Variants in GFPT2 observed in about 807,000 individuals in gnomAD.
GFPT2 encodes the protein glutamine--fructose-6-phosphate transaminase 2, also known as glutamine--fructose-6-phosphate aminotransferase [isomerizing] 2.
GFPT2 carries 62 observed loss-of-function variants against 85.6 expected under a neutral mutation model. The observed-to-expected ratio is 0.72, with a 90% CI of 0.59 to 0.90. The LOEUF is 0.90. Among genes scored for constraint, GFPT2 ranks in the 40% least tolerant of loss-of-function variants. GFPT2 has a pLI of 0.00. For synonymous variants in GFPT2, 368 were observed against 344.5 expected (o/e 1.07, Z -0.75); for missense variants, 788 against 893.4 (o/e 0.88, Z 1.50).
At chr5:180,346,599 C>A (rs562061564) in intron 1 of GFPT2, among the ~76,000 whole-genome samples, 89 of 152,350 alleles carry the variant, frequency 5.8e-4, no homozygotes, top group Middle Eastern at 3.4e-3. Context: ...CGCCTTGCTC[C>A]CCATGCCACC....
intron 7 of GFPT2, among the ~76,000 whole-genome samples, chr5:180,325,554 A>C (rs568035720): frequency 7.2e-5 from 11 of 152,152 alleles, no homozygotes; most frequent in Non-Finnish European, 1.6e-4. Context: ...CACAGGCAAA[A>C]TCTCAGGGAG....
At chr5:180,349,110 G>A (rs1764662863) in intron 1 of GFPT2, among the ~76,000 whole-genome samples, 1 of 151,532 alleles carries the variant, frequency 6.6e-6, no homozygotes, top group Admixed American at 6.6e-5. Flanking sequence ...AACAAAGAGG[G>A]AAGTGATATA....
chr5:180,336,925 G>C (rs1212528695), intron 2 of GFPT2, among the ~76,000 whole-genome samples: 1 of 152,268 alleles, frequency 6.6e-6, no homozygotes, highest in African/African-American at 2.4e-5. Context: ...TCCTCGCATT[G>C]TGATATTTCG....
Position 180,323,078 on chromosome 5 carries a change from T to C in GFPT2, c.794+1110A>G, listed in dbSNP as rs1352940166. On this transcript the variant is annotated intron_variant, in intron 9 of 18. Coordinates refer to ENST00000253778, the MANE Select transcript of GFPT2 (RefSeq NM_005110.4). This position sits in a 1 kb window ranked among gnomAD's most constrained non-coding sequence, Gnocchi z 4.0. Reference sequence around the variant, plus strand: ...AAAAGAAACATCTATCATATTTCATTGAATATAAGTTACTATTGATCGTTA... The same window carrying C: ...AAAAGAAACATCTATCATATTTCATCGAATATAAGTTACTATTGATCGTTA... Among the ~76,000 whole-genome samples the C allele has an allele frequency of 6.6e-6, 1 of 152,120 alleles. No individual in the cohort carries two copies. Among genetic ancestry groups the C allele is most frequent in the Admixed American group, 6.6e-5 (1 of 15,256 alleles).
chr5:180,302,204 T>G (rs1452443213), intron 18 of GFPT2, among the ~76,000 whole-genome samples: 4 of 151,268 alleles, frequency 2.6e-5, no homozygotes, highest in Admixed American at 2.0e-4. Context: ...GGAGAATCGC[T>G]TGAACCCAGG....
At chr5:180,341,140 G>A (rs938251540) in intron 1 of GFPT2, among the ~76,000 whole-genome samples, 1 of 152,134 alleles carries the variant, frequency 6.6e-6, no homozygotes, top group Non-Finnish European at 1.5e-5. Context: ...GTGGAACCAA[G>A]AATCCCCGAC....
intron 2 of GFPT2, among the ~76,000 whole-genome samples, chr5:180,338,280 G>A (rs939137582): frequency 3.3e-5 from 5 of 152,096 alleles, no homozygotes; most frequent in African/African-American, 1.2e-4. Flanking sequence ...TTCTGATGAA[G>A]GGGGTTTTCT....
In GFPT2 at chr5:180,335,946, G is replaced by C; in HGVS notation, c.222C>G (p.Asp74Glu). The stretch of plus-strand genomic sequence containing the variant: ...CAAACTCCACTTTTAAGTCCATGCT[G>C]TCTTGTTCTAAATGAAAGGAAAATC... Reference protein sequence around the residue: ...KALDEELYKQDSMDLKVEFET... With the variant: ...KALDEELYKQESMDLKVEFET... Residue 74 changes from aspartate (D) to glutamate (E), a missense_variant, in exon 4 of 19, where the codon GAC becomes GAG. Coordinates refer to ENST00000253778, the MANE Select transcript of GFPT2 (RefSeq NM_005110.4). 1 of 1,567,906 alleles carries C rather than the reference G, an allele frequency of 6.4e-7. No individual in the cohort carries two copies.
chr5:180,348,714 G>A (rs1197042018), intron 1 of GFPT2, among the ~76,000 whole-genome samples: 1 of 151,744 alleles, frequency 6.6e-6, no homozygotes, highest in Admixed American at 6.6e-5. Context: ...GTGGTAACCT[G>A]GACAGGACAT....
intron 12 of GFPT2, 38 bp from the exon 13 acceptor site, chr5:180,316,499 C>A (rs1299037951): frequency 6.2e-7 from 1 of 1,612,852 alleles, no homozygotes; most frequent in Admixed American, 1.7e-5. Context: ...TAAAGTCAGT[C>A]ACAGGCACGA....
chr5:180,322,512 C>T (rs1425042405), intron 9 of GFPT2, among the ~76,000 whole-genome samples: 5 of 152,066 alleles, frequency 3.3e-5, no homozygotes, highest in African/African-American at 7.2e-5. Context: ...CTGACTGCAT[C>T]GTGCCTGGTC....
chr5:180,301,575 T>C lies in GFPT2; in HGVS notation c.2038A>G (p.Thr680Ala). ...TCACGGTCTCAGCCTCATTCCACAG[T>C]TACAGACTTGGCCAGATTTCTGGGG... ...DFPRNLAKSV[T>A]VE Residue 680 changes from threonine (T) to alanine (A), a missense_variant, in exon 19 of 19, where the codon ACT becomes GCT. Thr to Ala is a moderately conservative substitution (Grantham distance 58, BLOSUM62 0). Coordinates refer to ENST00000253778, the MANE Select transcript of GFPT2 (RefSeq NM_005110.4). The C allele has an allele frequency of 6.2e-7, 1 of 1,613,488 alleles. No individual in the cohort carries two copies. The highest frequency in any genetic ancestry group is 8.5e-7 in the Non-Finnish European group (1 of 1,179,360).
rs1442082415 is a variant in GFPT2 at position 180,303,087 on chromosome 5, G to A, written c.1843-503C>T. Among the ~76,000 whole-genome samples, 16 of 144,112 alleles carry A rather than the reference G, an allele frequency of 1.1e-4. 2 individuals are homozygous for A. The highest frequency in any genetic ancestry group is 4.1e-4 in the East Asian group (2 of 4,924). The allele number at this position is 144,112 out of a possible 152,430, so 94.5% of individuals were successfully genotyped here. A position where few individuals can be genotyped will look rare whatever the true frequency, so the allele number is the denominator to read the frequency against. ...TACTAAAAAATACAAAAAATTAGCC[G>A]GGTGTGGTGGCGGGGGCCTGTAGTC... On this transcript the variant is annotated intron_variant, in intron 17 of 18. Transcript: ENST00000253778.
At chr5:180,337,288 A>G (rs2127655688) in intron 2 of GFPT2, among the ~76,000 whole-genome samples, 1 of 152,284 alleles carries the variant, frequency 6.6e-6, no homozygotes, top group East Asian at 1.9e-4. Context: ...CCCCGTCTCT[A>G]CTAAAAGTAC....
In GFPT2 at chr5:180,301,527, G is replaced by C; in HGVS notation, c.*37C>G. On this transcript the variant is annotated 3_prime_UTR_variant, in exon 19 of 19. Coordinates refer to ENST00000253778, the MANE Select transcript of GFPT2 (RefSeq NM_005110.4). ...TGCTGTTGGGACAGGTCTGGAATCAGATGAAAGGTGGTGATGGTCTTGTCA... is the reference window on the plus strand; with the variant it reads ...TGCTGTTGGGACAGGTCTGGAATCACATGAAAGGTGGTGATGGTCTTGTCA... The C allele has an allele frequency of 6.4e-7, 1 of 1,558,630 alleles. No individual in the cohort carries two copies. Among genetic ancestry groups the C allele is most frequent in the Non-Finnish European group, 8.9e-7 (1 of 1,129,224 alleles).
intron 14 of GFPT2, among the ~76,000 whole-genome samples, chr5:180,312,968 G>A (rs1420648917): frequency 2.0e-5 from 3 of 151,940 alleles, no homozygotes; most frequent in Admixed American, 6.6e-5. Flanking sequence ...GTAGAGACGG[G>A]GTTTCACCGT....
At position 180,336,506 on chromosome 5, in the gene GFPT2, CT is replaced by C; in HGVS notation, c.186del (p.Val63SerfsTer16). The stretch of plus-strand genomic sequence containing the variant: ...TAAAGTTCTTCATCGAGAGCCTTGA[CT>C]TTCCCCCTTTTCTTGACCAGCTGAA... ...RHIQLVKKRGKVKALDEELYK... is the reference protein window; with the variant it reads ...RHIQLVKKRGXVKALDEELYK... On this transcript the variant is annotated frameshift_variant, in exon 3 of 19. Transcript: ENST00000253778. LOFTEE classifies it high-confidence loss of function. 6.2e-7 allele frequency: 1 copy of C among 1,608,474 alleles called. No homozygotes were observed. Among genetic ancestry groups the C allele is most frequent in the Non-Finnish European group, 8.5e-7 (1 of 1,174,814 alleles).
rs1032472274 is a variant in GFPT2 at position 180,318,320 on chromosome 5, T to C, written c.958+473A>G. 2.0e-5 allele frequency among the ~76,000 whole-genome samples: 3 copies of C among 152,074 alleles called. No homozygotes were observed. The highest frequency in any genetic ancestry group is 7.2e-5 in the African/African-American group (3 of 41,408). On this transcript the variant is annotated intron_variant, in intron 10 of 18. Transcript: ENST00000253778. The surrounding 1 kb of genome is among the most constrained non-coding windows in gnomAD (Gnocchi z 4.2). ...TGGAGGGCCTTGAGCAGCGGGATGATCACAGGGGCTGATTCATGTTCTTAG... is the reference window on the plus strand; with the variant it reads ...TGGAGGGCCTTGAGCAGCGGGATGACCACAGGGGCTGATTCATGTTCTTAG...
intron 7 of GFPT2, among the ~76,000 whole-genome samples, chr5:180,327,202 G>C (rs1764224145): frequency 6.6e-6 from 1 of 152,170 alleles, no homozygotes; most frequent in Non-Finnish European, 1.5e-5. Flanking sequence ...GCAGCCCACA[G>C]GGCACTGAGG....
Sources: gnomAD v4.1 joint callset for allele counts (sites outside exome capture counted in the v4.1 genomes callset) on GRCh38, gnomAD v4.1.1 for gene constraint, Gnocchi (gnomAD v3.1) non-coding constraint, MANE v1.5 for transcripts, NCBI Gene and HGNC (gene_info 2026-07-23, HGNC 2026-07-21) for gene names.